MEGF6: variants seen among roughly 807,000 people sequenced by gnomAD.
The protein encoded by MEGF6 is multiple epidermal growth factor-like domains protein 6.
MEGF6 carries 184 observed loss-of-function variants against 207.1 expected under a neutral mutation model. The ratio of observed to expected loss-of-function variants is 0.89; its 90% CI spans 0.79 to 1.00. The LOEUF is 1.00. Among genes scored for constraint, MEGF6 ranks in the 50% least tolerant of loss-of-function variants. MEGF6 has a pLI of 0.00. For synonymous variants in MEGF6, 1,038 were observed against 910.0 expected (o/e 1.14, Z -2.53); for missense variants, 2,282 against 2,202.9 (o/e 1.04, Z -0.72).
At chr1:3,492,879 TG>T in intron 34 of MEGF6, 112 bp from the exon 35 acceptor site, 1 of 1,440,098 alleles carries the variant, frequency 6.9e-7, no homozygotes. Flanking sequence ...TGAAGCCTTC[TG>T]CCTGGGTGTG....
At chr1:3,598,973 G>A (rs908268095) in intron 2 of MEGF6, among the ~76,000 whole-genome samples, 4 of 152,272 alleles carry the variant, frequency 2.6e-5, no homozygotes, top group South Asian at 2.1e-4. Flanking sequence ...CTGAATACCC[G>A]GGCGCCCTCT....
At chr1:3,591,100 C>T (rs1643969151) in intron 3 of MEGF6, among the ~76,000 whole-genome samples, 1 of 152,148 alleles carries the variant, frequency 6.6e-6, no homozygotes, top group African/African-American at 2.4e-5. Context: ...CCTGCAGGGA[C>T]CTTGAGACTC....
intron 4 of MEGF6, among the ~76,000 whole-genome samples, chr1:3,544,080 G>A (rs1367558375): frequency 6.6e-6 from 1 of 152,152 alleles, no homozygotes; most frequent in Non-Finnish European, 1.5e-5. Flanking sequence ...AGGCGGGAGT[G>A]TGGTCAGTCT....
Position 3,492,780 on chromosome 1 carries a change from G to A in MEGF6, c.4388-13C>T. On this transcript the variant is annotated splice_polypyrimidine_tract_variant and intron_variant, in intron 34 of 36. Coordinates refer to ENST00000356575, the MANE Select transcript of MEGF6 (RefSeq NM_001409.4). ...CCCCTTCTGCAATCTGCAAGGCGGA[G>A]GGGGCGGGAGACAAACCTGAGCATC... 1.9e-6 allele frequency: 3 copies of A among 1,603,634 alleles called. No homozygotes were observed. The highest frequency in any genetic ancestry group is 2.6e-6 in the Non-Finnish European group (3 of 1,173,088).
At chr1:3,493,193 T>C (rs55669481) in intron 34 of MEGF6, 1 of 209,408 alleles carries the variant, frequency 4.8e-6, no homozygotes, top group African/African-American at 2.4e-5. Flanking sequence ...GAGCCCCTGC[T>C]ATCCTCAGGT....
At chr1:3,590,475 G>GC (rs1643958886) in intron 3 of MEGF6, among the ~76,000 whole-genome samples, 1 of 152,198 alleles carries the variant, frequency 6.6e-6, no homozygotes, top group African/African-American at 2.4e-5. Context: ...GGCTCTGGAA[G>GC]CCCCGGTCAT....
Position 3,510,955 on chromosome 1 carries a change from C to T in MEGF6, c.1115-53G>A, listed in dbSNP as rs576154729. On this transcript the variant is annotated intron_variant, in intron 9 of 36. Coordinates refer to ENST00000356575, the MANE Select transcript of MEGF6 (RefSeq NM_001409.4). Reference sequence around the variant, plus strand: ...GGTACCAGGCACCTGCACGTGCACACGCCCCCACCCACACACAACTGCATA... The same window carrying T: ...GGTACCAGGCACCTGCACGTGCACATGCCCCCACCCACACACAACTGCATA... 3.9e-5 allele frequency: 54 copies of T among 1,387,016 alleles called. No homozygotes were observed. The Admixed American group carries it at 5.5e-4, about 14-fold the overall frequency. 85.9% of individuals were successfully genotyped at this position (1,387,016 alleles called of 1,614,324 possible).
At position 3,556,288 on chromosome 1, in the gene MEGF6, C is replaced by T. The variant is rs57653990; in HGVS notation, c.481+23537G>A. Among the ~76,000 whole-genome samples the T allele has an allele frequency of 0.01, 1,567 of 152,334 alleles. 26 individuals carry two copies. Among genetic ancestry groups the T allele is most frequent in the African/African-American group, 0.036 (1,500 of 41,560 alleles). On this transcript the variant is annotated intron_variant, in intron 4 of 36. Transcript: ENST00000356575. The surrounding 1 kb of genome is among the most constrained non-coding windows in gnomAD (Gnocchi z 4.4). Reference sequence around the variant, plus strand: ...TCTGTGTGAGGCCCGCAGGCCAGGTCAGAATTAAACTCCATGATCTTGGCA... The same window carrying T: ...TCTGTGTGAGGCCCGCAGGCCAGGTTAGAATTAAACTCCATGATCTTGGCA...
Position 3,507,805 on chromosome 1 carries a change from G to A in MEGF6, c.1779C>T (p.Asn593=), listed in dbSNP as rs767314762. ...AGAGGCTGCACGCACCATCCTCACA[G>A]TTAGTTCCACTGACACCCGGGGGGC... ...CRCPPGVSGT[N]CEDGCPKGYY... Residue 593 remains asparagine (N), a synonymous_variant, in exon 14 of 37, where the codon AAC becomes AAT. Coordinates refer to ENST00000356575, the MANE Select transcript of MEGF6 (RefSeq NM_001409.4). 7 of 1,612,804 alleles carry A rather than the reference G, an allele frequency of 4.3e-6. No homozygotes were observed. In the Admixed American group the frequency reaches 1.2e-4, roughly 27 times the overall value.
intron 30 of MEGF6, among the ~76,000 whole-genome samples, chr1:3,495,148 G>A (rs569674731): frequency 6.6e-6 from 1 of 152,342 alleles, no homozygotes; most frequent in East Asian, 1.9e-4. Context: ...AGAGGTGGCT[G>A]GCTGTAGCCC....
At chr1:3,544,828 C>T (rs915779943) in intron 4 of MEGF6, among the ~76,000 whole-genome samples, 1 of 152,154 alleles carries the variant, frequency 6.6e-6, no homozygotes, top group Non-Finnish European at 1.5e-5. Flanking sequence ...GGGCTTGGGC[C>T]GGGGAACAGC....
At chr1:3,524,444 G>C (rs1032615072) in intron 4 of MEGF6, among the ~76,000 whole-genome samples, 198 bp from the exon 5 acceptor site, 1 of 152,210 alleles carries the variant, frequency 6.6e-6, no homozygotes, top group Non-Finnish European at 1.5e-5. Context: ...ACACCTGCTC[G>C]AGAAGGAAGA....
intron 25 of MEGF6, 30 bp downstream of exon 25, chr1:3,498,668 T>C: frequency 6.5e-7 from 1 of 1,528,250 alleles, no homozygotes; most frequent in Admixed American, 1.9e-5. Flanking sequence ...CATGCTGGGG[T>C]ATGTCCCTCC....
Position 3,511,596 on chromosome 1 carries a change from T to A in MEGF6, c.1068A>T (p.Thr356=), listed in dbSNP as rs2820999. 1 of 1,611,808 alleles carries A rather than the reference T, an allele frequency of 6.2e-7. No homozygotes were observed. The highest frequency in any genetic ancestry group is 8.5e-7 in the Non-Finnish European group (1 of 1,179,176). ...TGTCCAGCTCGTAGCCGCGGGGACA[T>A]GTGCACAGGGGCCCAGCACTGGTGT... ...CSHTSAGPLC[T]CPRGYELDTD... The change falls in exon 9 of 37, where the codon ACA becomes ACT. Residue 356 remains threonine (T), a synonymous_variant. Coordinates refer to ENST00000356575, the MANE Select transcript of MEGF6 (RefSeq NM_001409.4).
At chr1:3,609,976 G>C (rs1644303584) in intron 1 of MEGF6, among the ~76,000 whole-genome samples, 1 of 152,258 alleles carries the variant, frequency 6.6e-6, no homozygotes, top group Admixed American at 6.5e-5. Context: ...GGAGGAGGTG[G>C]CTGGCTGAGC....
chr1:3,540,615 AC>A (rs944992054), intron 4 of MEGF6, among the ~76,000 whole-genome samples: 2 of 151,922 alleles, frequency 1.3e-5, no homozygotes, highest in Non-Finnish European at 2.9e-5. Context: ...TAATTTACAA[AC>A]CCCTGGATGT....
At chr1:3,609,583 G>C (rs142313095) in intron 1 of MEGF6, among the ~76,000 whole-genome samples, 1 of 152,252 alleles carries the variant, frequency 6.6e-6, no homozygotes, top group Admixed American at 6.5e-5. Context: ...CCCAGGAGAA[G>C]AGCAGGATGT....
At position 3,547,428 on chromosome 1, in the gene MEGF6, G is replaced by A. The variant is rs184845816; in HGVS notation, c.482-23182C>T. On this transcript the variant is annotated intron_variant, in intron 4 of 36. Coordinates refer to ENST00000356575, the MANE Select transcript of MEGF6 (RefSeq NM_001409.4). ...TGGCAGAGGAGGTGGCCCTGCTCCC[G>A]TAAAGCAGCCACACCCTTTTTGTGA... is the stretch of plus-strand genomic sequence containing the variant. 9.3e-3 allele frequency among the ~76,000 whole-genome samples: 1,422 copies of A among 152,260 alleles called. 20 individuals are homozygous for A. Among genetic ancestry groups the A allele is most frequent in the South Asian group, 0.057 (276 of 4,826 alleles).
intron 34 of MEGF6, chr1:3,493,473 A>G: frequency 2.1e-6 from 1 of 473,638 alleles, no homozygotes; most frequent in Middle Eastern, 5.8e-4. Context: ...CACAGCTGGC[A>G]GATCAGGGAA....
Sources: gnomAD v4.1 joint callset for allele counts (sites outside exome capture counted in the v4.1 genomes callset) on GRCh38, gnomAD v4.1.1 for gene constraint, Gnocchi (gnomAD v3.1) non-coding constraint, MANE v1.5 for transcripts, NCBI Gene and HGNC (gene_info 2026-07-23, HGNC 2026-07-21) for gene names.